Variants in UGGT2 observed in about 807,000 individuals in gnomAD.
UGGT2 encodes UDP-glucose glycoprotein glucosyltransferase 2, also known as UDP-glucose:glycoprotein glucosyltransferase 2.
UGGT2 carries 180 observed loss-of-function variants against 192.1 expected under a neutral mutation model. The observed-to-expected ratio is 0.94, with a 90% CI of 0.83 to 1.06. The LOEUF (loss-of-function observed/expected upper bound fraction) is 1.06. UGGT2 is among the 50% of genes least tolerant of loss of function. The pLI is 0.00. For missense variants in UGGT2, 1,849 were observed against 1,795.7 expected (o/e 1.03, Z -0.54); for synonymous variants, 580 against 591.0 (o/e 0.98, Z 0.27).
At chr13:95,844,328 A>G (rs908643316) in intron 36 of UGGT2, among the ~76,000 whole-genome samples, 1 of 152,196 alleles carries the variant, frequency 6.6e-6, no homozygotes, top group Admixed American at 6.5e-5. Flanking sequence ...TAATTTGTAC[A>G]AGAAAGTCTA....
At chr13:95,836,187 T>G (rs987141194) in intron 37 of UGGT2, among the ~76,000 whole-genome samples, 1 of 152,220 alleles carries the variant, frequency 6.6e-6, no homozygotes, top group African/African-American at 2.4e-5. Flanking sequence ...TAGCTGGGAC[T>G]ACAGGCATGT....
intron 9 of UGGT2, among the ~76,000 whole-genome samples, chr13:95,985,957 G>A (rs934125801): frequency 1.3e-5 from 2 of 152,096 alleles, no homozygotes; most frequent in African/African-American, 4.8e-5. Flanking sequence ...AGTACTTTGG[G>A]CATAGACCTC....
chr13:96,017,253 C>T (rs1291085494), intron 4 of UGGT2, among the ~76,000 whole-genome samples: 1 of 152,074 alleles, frequency 6.6e-6, no homozygotes, highest in Non-Finnish European at 1.5e-5. Flanking sequence ...CTGTAATTTG[C>T]AATGTGAGAA....
intron 27 of UGGT2, 66 bp downstream of exon 27, chr13:95,884,425 A>G (rs1365772623): frequency 1.5e-6 from 2 of 1,314,846 alleles, no homozygotes; most frequent in African/African-American, 1.5e-5. Flanking sequence ...ACTTGCTACA[A>G]TTGTAATAGC....
intron 36 of UGGT2, among the ~76,000 whole-genome samples, chr13:95,848,187 A>AT (rs1318726577): frequency 6.6e-6 from 1 of 152,116 alleles, no homozygotes; most frequent in South Asian, 2.1e-4. Flanking sequence ...AGTTCTTTGC[A>AT]TTTTTTTGGA....
chr13:95,813,884 G>A (rs945263544), intron 38 of UGGT2, among the ~76,000 whole-genome samples: 2 of 152,140 alleles, frequency 1.3e-5, no homozygotes, highest in South Asian at 2.1e-4. Flanking sequence ...CTCCAGCATC[G>A]GCTAAAGGAG....
At chr13:95,827,863 G>C (rs1340152998) in intron 38 of UGGT2, among the ~76,000 whole-genome samples, 2 of 152,102 alleles carry the variant, frequency 1.3e-5, no homozygotes, top group African/African-American at 4.8e-5. Flanking sequence ...AATTGCCTAA[G>C]CAGATCGTGA....
intron 36 of UGGT2, among the ~76,000 whole-genome samples, chr13:95,841,292 G>A (rs563508944): frequency 6.6e-6 from 1 of 152,186 alleles, no homozygotes; most frequent in Non-Finnish European, 1.5e-5. Flanking sequence ...TTTGTAAATT[G>A]GTTATTTTCC....
chr13:96,053,124 C>A (rs778933480), intron 1 of UGGT2, 31 bp downstream of exon 1: 5 of 1,455,180 alleles, frequency 3.4e-6, no homozygotes, highest in Non-Finnish European at 4.5e-6. Flanking sequence ...GCGCCCACAC[C>A]CGCCCGGACG....
intron 36 of UGGT2, among the ~76,000 whole-genome samples, chr13:95,841,109 A>G (rs1301497082): frequency 2.0e-5 from 3 of 152,162 alleles, no homozygotes; most frequent in Non-Finnish European, 2.9e-5. Context: ...TGTGGGGCTT[A>G]AAACCTAGAT....
At chr13:95,810,833 GA>G (rs1884544634) in intron 38 of UGGT2, among the ~76,000 whole-genome samples, 2 of 152,068 alleles carry the variant, frequency 1.3e-5, no homozygotes, top group Non-Finnish European at 2.9e-5. Flanking sequence ...GACAACCAAA[GA>G]TGGGAAAAAA....
At chr13:96,044,274 G>A (rs2139213522) in intron 1 of UGGT2, among the ~76,000 whole-genome samples, 1 of 152,208 alleles carries the variant, frequency 6.6e-6, no homozygotes, top group Non-Finnish European at 1.5e-5. Context: ...AGTCAACAAT[G>A]AAATCAAGAT....
chr13:95,938,621 G>C (rs1019310398), intron 16 of UGGT2, among the ~76,000 whole-genome samples: 5 of 152,168 alleles, frequency 3.3e-5, no homozygotes, highest in Non-Finnish European at 7.3e-5. Flanking sequence ...TTAGGTTTAT[G>C]AATGCATGTA....
chr13:95,984,298 T>C (rs1055313304), intron 9 of UGGT2, among the ~76,000 whole-genome samples: 6 of 152,154 alleles, frequency 3.9e-5, no homozygotes, highest in African/African-American at 1.4e-4. Flanking sequence ...TGGCTTTACA[T>C]CACTCACTCT....
intron 1 of UGGT2, among the ~76,000 whole-genome samples, chr13:96,050,251 T>C (rs2139242657): frequency 6.6e-6 from 1 of 152,304 alleles, no homozygotes; most frequent in South Asian, 2.1e-4. Flanking sequence ...ATTTAATAAA[T>C]GGTGCTGGAA....
intron 38 of UGGT2, among the ~76,000 whole-genome samples, chr13:95,818,042 C>T (rs1377034733): frequency 1.3e-5 from 2 of 152,178 alleles, no homozygotes; most frequent in Non-Finnish European, 2.9e-5. Flanking sequence ...GCCAGGCACT[C>T]ATGCCTATTA....
intron 20 of UGGT2, among the ~76,000 whole-genome samples, chr13:95,911,743 A>AG (rs950333426): frequency 1.3e-5 from 2 of 152,132 alleles, no homozygotes; most frequent in African/African-American, 4.8e-5. Flanking sequence ...TATGAGGCCA[A>AG]TATCATCCTG....
In UGGT2 at chr13:95,833,012, A is replaced by G; in HGVS notation, c.4443T>C (p.Ala1481=). The G allele has an allele frequency of 1.2e-6, 2 of 1,612,796 alleles. No homozygotes were observed. The highest frequency in any genetic ancestry group is 8.5e-7 in the Non-Finnish European group (1 of 1,179,164). The change falls in exon 38 of 39, where the codon GCT becomes GCC. Residue 1481 remains alanine, a synonymous_variant. Coordinates refer to ENST00000376747, the MANE Select transcript of UGGT2 (RefSeq NM_020121.4). ...CCACCCATTCTGGGACAATTCTGGC[A>G]GCAGCTTTTAGTTTGGATTCTTTTG... ...PKTKESKLKA[A]ARIVPEWVEY... is the part of the protein sequence containing the mutation.
intron 22 of UGGT2, among the ~76,000 whole-genome samples, chr13:95,899,419 G>C (rs2048039324): frequency 6.6e-6 from 1 of 151,818 alleles, no homozygotes; most frequent in East Asian, 1.9e-4. Flanking sequence ...AAGAATGTTT[G>C]GTTCACAGTA....
Sources: allele counts gnomAD v4.1 joint callset (sites outside exome capture counted in the v4.1 genomes callset), GRCh38; gene constraint gnomAD v4.1.1; transcripts MANE v1.5; gene names NCBI Gene and HGNC (gene_info 2026-07-23, HGNC 2026-07-21).